RAD18: variants seen among roughly 807,000 people sequenced by gnomAD.
RAD18 encodes the protein RAD18 E3 ubiquitin protein ligase, also known as E3 ubiquitin-protein ligase RAD18.
In RAD18, 47 loss-of-function variants were observed where a neutral mutation model predicts 60.4. The ratio of observed to expected loss-of-function variants is 0.78; its 90% CI spans 0.62 to 0.99. The LOEUF is 0.99. RAD18 is among the 50% of genes least tolerant of loss of function. RAD18 has a pLI of 0.00. For missense variants in RAD18, 640 were observed against 593.3 expected, an observed-to-expected ratio of 1.08 and a Z score of -0.82; for synonymous variants, 225 against 195.5, an observed-to-expected ratio of 1.15 and a Z score of -1.26.
chr3:8,894,228 A>G (rs1247141120), intron 11 of RAD18, among the ~76,000 whole-genome samples: 1 of 152,200 alleles, frequency 6.6e-6, no homozygotes, highest in Non-Finnish European at 1.5e-5. Context: ...CACAAACATC[A>G]ACACAGTTCT....
intron 7 of RAD18, among the ~76,000 whole-genome samples, chr3:8,914,462 T>C (rs589301): frequency 0.7 from 106,243 of 152,082 alleles, 37,590 homozygotes; most frequent in Middle Eastern, 0.76. Flanking sequence ...AGTGTGATAA[T>C]TGTTTAAGCT....
intron 7 of RAD18, among the ~76,000 whole-genome samples, chr3:8,914,620 G>A (rs1000755650): frequency 6.6e-6 from 1 of 152,044 alleles, no homozygotes; most frequent in Non-Finnish European, 1.5e-5. Flanking sequence ...CAAAGTTTAC[G>A]TTTTCTGAGC....
chr3:8,915,265 C>G (rs183240660), intron 7 of RAD18, among the ~76,000 whole-genome samples: 9 of 152,086 alleles, frequency 5.9e-5, no homozygotes, highest in Non-Finnish European at 1.2e-4. Context: ...TAATGTCACT[C>G]TCACCCTAAT....
intron 9 of RAD18, among the ~76,000 whole-genome samples, chr3:8,907,979 C>T (rs1940041758): frequency 6.6e-6 from 1 of 152,192 alleles, no homozygotes. Flanking sequence ...AGGATCTACT[C>T]CAGTTCCCAC....
At chr3:8,905,221 G>A (rs1939982807) in intron 9 of RAD18, among the ~76,000 whole-genome samples, 1 of 152,188 alleles carries the variant, frequency 6.6e-6, no homozygotes, top group Non-Finnish European at 1.5e-5. Context: ...CCATGACTAA[G>A]TACACGTTCA....
chr3:8,922,024 G>A (rs1224579963), intron 7 of RAD18, among the ~76,000 whole-genome samples: 4 of 152,184 alleles, frequency 2.6e-5, no homozygotes, highest in Admixed American at 6.5e-5. Flanking sequence ...CGCAGAAGAC[G>A]GATGATTTCT....
intron 7 of RAD18, among the ~76,000 whole-genome samples, chr3:8,932,918 A>G (rs921974640): frequency 6.6e-6 from 1 of 152,080 alleles, no homozygotes; most frequent in Admixed American, 6.6e-5. Context: ...CAATATGGTG[A>G]AACCCCATCT....
Position 8,880,079 on chromosome 3 carries a change from A to T in RAD18, c.*1278T>A, listed in dbSNP as rs146737733. On this transcript the variant is annotated 3_prime_UTR_variant, in exon 13 of 13. Transcript: ENST00000264926. ...TTTTAGTTTCCTTAATGCACCCCTC[A>T]GGATTTCATGCAAATGAAATTATTA... The T allele has an allele frequency of 1.4e-3, 213 of 152,316 alleles. No individual in the cohort carries two copies. The highest frequency in any genetic ancestry group is 5.0e-3 in the African/African-American group (206 of 41,576). 9.4% of individuals were successfully genotyped at this position (152,316 alleles called of 1,614,324 possible).
At chr3:8,898,239 A>C (rs1198374353) in intron 11 of RAD18, among the ~76,000 whole-genome samples, 2 of 152,214 alleles carry the variant, frequency 1.3e-5, no homozygotes, top group Non-Finnish European at 2.9e-5. Context: ...TTAAAAAATA[A>C]CAATTATAAA....
chr3:8,905,504 T>A (rs946726866), intron 9 of RAD18, among the ~76,000 whole-genome samples: 4 of 152,346 alleles, frequency 2.6e-5, no homozygotes, highest in African/African-American at 9.6e-5. Context: ...ATACTTCTTC[T>A]ACTTTAAATC....
chr3:8,881,366 A>T lies in RAD18; in HGVS notation c.1479T>A (p.Asn493Lys). Residue 493 changes from asparagine (N) to lysine (K), a missense_variant, in exon 13 of 13, where the codon AAT becomes AAA. By Grantham distance (94) the Asn-to-Lys change is moderately conservative. Transcript: ENST00000264926. ...SAEIEPRNKR[N>K]RN ...TCAGCAAAAGCCCACATTAATTCCTATTACGCTTGTTTCTTGGTTCAATCT... is the reference window on the plus strand; with the variant it reads ...TCAGCAAAAGCCCACATTAATTCCTTTTACGCTTGTTTCTTGGTTCAATCT... 1 of 1,603,362 alleles carries T rather than the reference A, an allele frequency of 6.2e-7. No individual in the cohort carries two copies. The highest frequency in any genetic ancestry group is 8.5e-7 in the Non-Finnish European group (1 of 1,170,300).
At chr3:8,901,515 A>G (rs1014428867) in intron 10 of RAD18, among the ~76,000 whole-genome samples, 1 of 152,224 alleles carries the variant, frequency 6.6e-6, no homozygotes, top group African/African-American at 2.4e-5. Context: ...AGGACTCTGA[A>G]AACATTATGC....
At position 8,913,694 on chromosome 3, in the gene RAD18, T is replaced by C. The variant is rs1940145760; in HGVS notation, c.916A>G (p.Asn306Asp). The change falls in exon 8 of 13, where the codon AAT (asparagine) becomes GAT (aspartate). Residue 306 changes from asparagine to aspartate, a missense_variant. By Grantham distance (23) the Asn-to-Asp change is conservative. Coordinates refer to ENST00000264926, the MANE Select transcript of RAD18 (RefSeq NM_020165.4). Reference sequence around the variant, plus strand: ...AGACGCATCCTAGTCTTCTCTATATTTTCGATTTCTCGAACTATTTCAGCA... The same window carrying C: ...AGACGCATCCTAGTCTTCTCTATATCTTCGATTTCTCGAACTATTTCAGCA... ...SAAEIVREIENIEKTRMRLEA... is the reference protein window; with the variant it reads ...SAAEIVREIEDIEKTRMRLEA... 8.9e-6 allele frequency: 14 copies of C among 1,578,668 alleles called. No homozygotes were observed. The highest frequency in any genetic ancestry group is 1.2e-5 in the Non-Finnish European group (14 of 1,160,230).
Position 8,886,564 on chromosome 3 carries a change from T to A in RAD18, c.1385+3825A>T, listed in dbSNP as rs536265027. On this transcript the variant is annotated intron_variant, in intron 12 of 12. Transcript: ENST00000264926. ...ACTGACAGACAGACACATTCATTCA[T>A]TCACATATTTATTGAGTGCCTATGC... is the stretch of plus-strand genomic sequence containing the variant. Among the ~76,000 whole-genome samples, 3 of 152,336 alleles carry A rather than the reference T, an allele frequency of 2.0e-5. No homozygotes were observed. The South Asian group carries it at 6.2e-4, about 32-fold the overall frequency.
chr3:8,961,222 T>A (rs1941090859), intron 1 of RAD18, among the ~76,000 whole-genome samples: 1 of 152,152 alleles, frequency 6.6e-6, no homozygotes, highest in Middle Eastern at 3.2e-3. Context: ...TCCAAGACAG[T>A]AACATGCATA....
chr3:8,902,822 G>A (rs891830319), intron 9 of RAD18, among the ~76,000 whole-genome samples: 9 of 152,052 alleles, frequency 5.9e-5, no homozygotes, highest in African/African-American at 9.7e-5. Flanking sequence ...TCAGGAGTTC[G>A]AGACCAGCCT....
chr3:8,954,037 A>G (rs1344992282), intron 2 of RAD18, among the ~76,000 whole-genome samples: 1 of 152,242 alleles, frequency 6.6e-6, no homozygotes, highest in African/African-American at 2.4e-5. Context: ...CTGTGAAACA[A>G]GGCAGAGGAG....
intron 2 of RAD18, among the ~76,000 whole-genome samples, chr3:8,956,192 T>C (rs1428193955): frequency 6.6e-6 from 1 of 152,184 alleles, no homozygotes; most frequent in Non-Finnish European, 1.5e-5. Flanking sequence ...AAAGGAAGCA[T>C]TTTATGGTTT....
intron 9 of RAD18, among the ~76,000 whole-genome samples, chr3:8,910,980 T>C (rs1559769866): frequency 6.6e-6 from 1 of 152,234 alleles, no homozygotes; most frequent in African/African-American, 2.4e-5. Flanking sequence ...CTCTTTTATA[T>C]GATAAGGCTC....
Sources: allele counts gnomAD v4.1 joint callset (sites outside exome capture counted in the v4.1 genomes callset), GRCh38; gene constraint gnomAD v4.1.1; transcripts MANE v1.5; gene names NCBI Gene and HGNC (gene_info 2026-07-23, HGNC 2026-07-21).